The following SCN3A variants were observed in gnomAD, a reference collection of about 807,000 sequenced individuals.
SCN3A encodes sodium voltage-gated channel alpha subunit 3, also known as sodium channel protein type 3 subunit alpha.
SCN3A carries 60 observed loss-of-function variants against 187.6 expected under a neutral mutation model. The ratio of observed to expected loss-of-function variants is 0.32; its 90% CI spans 0.26 to 0.40. The LOEUF is 0.40. Among genes scored for constraint, SCN3A ranks in the 10% least tolerant of loss-of-function variants. The pLI, the probability that SCN3A is intolerant of heterozygous loss-of-function variation, is 1.00. For missense variants in SCN3A, 1,601 were observed against 2,428.2 expected, an observed-to-expected ratio of 0.66 and a Z score of 7.16; for synonymous variants, 788 against 829.2, an observed-to-expected ratio of 0.95 and a Z score of 0.85.
chr2:165,182,656 C>T (rs1237394701), intron 2 of SCN3A, among the ~76,000 whole-genome samples: 4 of 140,780 alleles, frequency 2.8e-5, no homozygotes, highest in Non-Finnish European at 4.5e-5. Context: ...AGCCACAAAT[C>T]GACATTAACC....
chr2:165,132,181 A>G (rs555018098), intron 15 of SCN3A, among the ~76,000 whole-genome samples: 1 of 152,316 alleles, frequency 6.6e-6, no homozygotes, highest in Admixed American at 6.5e-5. Context: ...GGAAGAATCA[A>G]TATCGTGAAA....
intron 18 of SCN3A, chr2:165,119,631 G>A (rs1020333476): frequency 6.6e-6 from 1 of 152,040 alleles, no homozygotes; most frequent in African/African-American, 2.4e-5. Flanking sequence ...TCACATTCTA[G>A]TCAAGGGTGG....
At chr2:165,188,913 G>A (rs1420024152) in intron 1 of SCN3A, among the ~76,000 whole-genome samples, 4 of 151,884 alleles carry the variant, frequency 2.6e-5, no homozygotes, top group South Asian at 2.1e-4. Context: ...AGGTAGGGTC[G>A]AGGGATCTGC....
chr2:165,095,735 A>C (rs949805488), intron 24 of SCN3A, 87 bp from the exon 25 acceptor site: 1 of 772,608 alleles, frequency 1.3e-6, no homozygotes, highest in Non-Finnish European at 2.1e-6. Context: ...CTGTTACTTA[A>C]TACAGTGCTA....
rs189512230 is a variant in SCN3A, at chr2:165,174,212, A to G, written c.264+1919T>C. The stretch of plus-strand genomic sequence containing the variant: ...GTGTGGGCCATCATGCCTGGCCTCC[A>G]GTGTATTTATTTACAATGAGATACA... On this transcript the variant is annotated intron_variant, in intron 3 of 27. Transcript: ENST00000283254. 3.9e-5 allele frequency among the ~76,000 whole-genome samples: 6 copies of G among 152,266 alleles called. No homozygotes were observed. The East Asian group carries it at 1.2e-3, about 29-fold the overall frequency.
intron 15 of SCN3A, among the ~76,000 whole-genome samples, chr2:165,133,337 G>A (rs1687466839): frequency 6.6e-6 from 1 of 152,020 alleles, no homozygotes; most frequent in South Asian, 2.1e-4. Context: ...GCACACGTAT[G>A]TTTATTTTCA....
At chr2:165,161,771 T>C (rs919559329) in intron 9 of SCN3A, among the ~76,000 whole-genome samples, 1 of 152,252 alleles carries the variant, frequency 6.6e-6, no homozygotes. Flanking sequence ...CTATTCATTA[T>C]GTCAACTGAT....
At chr2:165,182,667 CA>C (rs60692259) in intron 2 of SCN3A, among the ~76,000 whole-genome samples, 36,688 of 151,920 alleles carry the variant, frequency 0.24, 5,441 homozygotes, top group East Asian at 0.52. Flanking sequence ...GACATTAACC[CA>C]AATAGAGAAA....
At chr2:165,134,505 A>G (rs576185737) in intron 15 of SCN3A, among the ~76,000 whole-genome samples, 145 of 152,210 alleles carry the variant, frequency 9.5e-4, no homozygotes, top group African/African-American at 2.9e-3. Context: ...ATTTTTTCCA[A>G]TCACAGATGG....
At chr2:165,193,676 C>T (rs762611837) in intron 1 of SCN3A, among the ~76,000 whole-genome samples, 1 of 152,032 alleles carries the variant, frequency 6.6e-6, no homozygotes, top group Non-Finnish European at 1.5e-5. Context: ...TGTTGAGAGT[C>T]GATTGCCTTT....
chr2:165,136,993 C>A (rs947930131), intron 15 of SCN3A, among the ~76,000 whole-genome samples: 1 of 152,120 alleles, frequency 6.6e-6, no homozygotes, highest in Non-Finnish European at 1.5e-5. Flanking sequence ...CTAAATTATG[C>A]CTAAGTTCTA....
At chr2:165,138,281 A>G (rs1421559179) in intron 14 of SCN3A, among the ~76,000 whole-genome samples, 164 bp from the exon 15 acceptor site, 1 of 152,164 alleles carries the variant, frequency 6.6e-6, no homozygotes, top group Non-Finnish European at 1.5e-5. Flanking sequence ...ATTTTCAGAA[A>G]ATGTTAATTA....
chr2:165,199,992 TTTTC>T (rs1692213689), intron 1 of SCN3A, among the ~76,000 whole-genome samples: 1 of 152,098 alleles, frequency 6.6e-6, no homozygotes, highest in South Asian at 2.1e-4. Context: ...AAGAATATGA[TTTTC>T]TTTCTTCCAA....
intron 11 of SCN3A, among the ~76,000 whole-genome samples, chr2:165,150,156 G>C (rs1319708467): frequency 1.3e-5 from 2 of 152,186 alleles, no homozygotes; most frequent in Non-Finnish European, 2.9e-5. Flanking sequence ...CAATTAGAAT[G>C]ATCTAGGACA....
chr2:165,127,468 C>G (rs903331572), intron 18 of SCN3A, among the ~76,000 whole-genome samples, 163 bp downstream of exon 18: 1 of 152,122 alleles, frequency 6.6e-6, no homozygotes, highest in African/African-American at 2.4e-5. Context: ...TTTAGAAATC[C>G]ATTTCCCAAT....
intron 11 of SCN3A, among the ~76,000 whole-genome samples, chr2:165,148,705 A>G: frequency 6.6e-6 from 1 of 152,080 alleles, no homozygotes; most frequent in Non-Finnish European, 1.5e-5. Flanking sequence ...AAGACTTGAT[A>G]TAAGACAATA....
In SCN3A at chr2:165,091,122, A is replaced by G. The variant is rs777325973; in HGVS notation, c.5031T>C (p.Phe1677=). Residue 1677 remains phenylalanine (F), a synonymous_variant, in exon 28 of 28, where the codon TTT becomes TTC. Coordinates refer to ENST00000283254, the MANE Select transcript of SCN3A (RefSeq NM_006922.4). ...TTCCAGCTTCCTTTTTAACATAGGC[A>G]AAGTTGGACATCCCAAAGATGGCAT... ...FIYAIFGMSN[F]AYVKKEAGID... The G allele has an allele frequency of 6.2e-7, 1 of 1,614,102 alleles. No individual in the cohort carries two copies. The highest frequency in any genetic ancestry group is 2.2e-5 in the East Asian group (1 of 44,870).
intron 21 of SCN3A, among the ~76,000 whole-genome samples, chr2:165,103,230 C>G (rs918402772): frequency 3.3e-5 from 5 of 152,126 alleles, no homozygotes; most frequent in Admixed American, 6.5e-5. Context: ...AAGATAATGA[C>G]TACATTGGTA....
rs372488783 is a variant in SCN3A, at chr2:165,133,527, A to G, written c.2392-2110T>C. 1.2e-4 allele frequency among the ~76,000 whole-genome samples: 18 copies of G among 151,794 alleles called. No individual in the cohort carries two copies. In the East Asian group the frequency reaches 1.6e-3, roughly 13 times the overall value. On this transcript the variant is annotated intron_variant, in intron 15 of 27. Coordinates refer to ENST00000283254, the MANE Select transcript of SCN3A (RefSeq NM_006922.4). ...CAGCTAATTTTTCTAATTTCTGTAGAGACAGGGTTTCACATCACGTTGGCC... is the reference window on the plus strand; with the variant it reads ...CAGCTAATTTTTCTAATTTCTGTAGGGACAGGGTTTCACATCACGTTGGCC...
Sources: allele counts gnomAD v4.1 joint callset (sites outside exome capture counted in the v4.1 genomes callset), GRCh38; gene constraint gnomAD v4.1.1; transcripts MANE v1.5; gene names NCBI Gene and HGNC (gene_info 2026-07-23, HGNC 2026-07-21).